Variants in SYNPR observed in about 807,000 individuals in gnomAD.
SYNPR encodes the protein synaptoporin.
SYNPR carries 23 observed loss-of-function variants against 32.9 expected under a neutral mutation model. The observed-to-expected ratio is 0.70, with a 90% CI of 0.50 to 0.99. The LOEUF is 0.99. Ranked by LOEUF, SYNPR falls within the 50% of genes least tolerant of loss-of-function variation. The pLI is 0.00. For synonymous variants in SYNPR, 146 were observed against 135.9 expected, an observed-to-expected ratio of 1.07 and a Z score of -0.52; for missense variants, 318 against 349.3, an observed-to-expected ratio of 0.91 and a Z score of 0.71.
At chr3:63,426,931 A>G (rs1439957075) in intron 2 of SYNPR, 1 of 152,198 alleles carries the variant, frequency 6.6e-6, no homozygotes, top group African/African-American at 2.4e-5. Context: ...AAATTAATTT[A>G]AAATAATTTT....
upstream of SYNPR, among the ~76,000 whole-genome samples, chr3:63,276,926 A>T (rs897529715): frequency 1.3e-5 from 2 of 150,576 alleles, no homozygotes; most frequent in African/African-American, 4.9e-5. Flanking sequence ...ACACACATAC[A>T]CACCCATGAA....
At chr3:63,425,333 G>A (rs574597910) in intron 2 of SYNPR, among the ~76,000 whole-genome samples, 74 of 152,210 alleles carry the variant, frequency 4.9e-4, no homozygotes, top group Middle Eastern at 3.4e-3. Context: ...TAGTTTTTGT[G>A]TTTTTCAGAC....
intron 2 of SYNPR, among the ~76,000 whole-genome samples, chr3:63,380,368 G>A (rs1373432230): frequency 3.6e-4 from 55 of 152,116 alleles, no homozygotes; most frequent in Middle Eastern, 3.4e-3. Flanking sequence ...TGACTTTTTA[G>A]TGATCGCCAC....
At chr3:63,583,996 A>C (rs892659068) in intron 4 of SYNPR, among the ~76,000 whole-genome samples, 2 of 152,110 alleles carry the variant, frequency 1.3e-5, no homozygotes, top group African/African-American at 2.4e-5. Flanking sequence ...GGAGGAGTAG[A>C]TGGGGGTGAT....
intron 2 of SYNPR, among the ~76,000 whole-genome samples, chr3:63,452,952 G>C (rs189190816): frequency 2.0e-5 from 3 of 152,122 alleles, no homozygotes; most frequent in African/African-American, 4.8e-5. Flanking sequence ...TATGTACTGA[G>C]AGTGTCGAAT....
At chr3:63,589,450 G>C (rs1703266774) in intron 4 of SYNPR, among the ~76,000 whole-genome samples, 1 of 152,018 alleles carries the variant, frequency 6.6e-6, no homozygotes, top group African/African-American at 2.4e-5. Context: ...ATTCTCAATA[G>C]AGATTTGCTA....
intron 2 of SYNPR, among the ~76,000 whole-genome samples, chr3:63,356,820 C>G (rs918117233): frequency 3.3e-5 from 5 of 152,138 alleles, no homozygotes; most frequent in Admixed American, 6.5e-5. Context: ...GAATTTTTCT[C>G]AACGATGAAG....
chr3:63,577,275 C>G (rs1032898285), intron 4 of SYNPR, among the ~76,000 whole-genome samples: 1 of 152,100 alleles, frequency 6.6e-6, no homozygotes, highest in Non-Finnish European at 1.5e-5. Context: ...ATTCAACAAA[C>G]AATTGAATTG....
chr3:63,378,860 T>G (rs1428204751), intron 2 of SYNPR, among the ~76,000 whole-genome samples: 1 of 151,978 alleles, frequency 6.6e-6, no homozygotes, highest in African/African-American at 2.4e-5. Flanking sequence ...ATTTTAAGAG[T>G]TGCAGTGTGA....
At chr3:63,369,405 G>A (rs186367211) in intron 2 of SYNPR, among the ~76,000 whole-genome samples, 6 of 152,302 alleles carry the variant, frequency 3.9e-5, no homozygotes, top group Admixed American at 3.3e-4. Context: ...GGAGCACCCA[G>A]TATAGGGAAA....
chr3:63,225,864 G>A (rs1054462490), upstream of SYNPR, among the ~76,000 whole-genome samples: 3 of 151,978 alleles, frequency 2.0e-5, no homozygotes, highest in Non-Finnish European at 4.4e-5. Context: ...AGAGTGAAGA[G>A]ACAACTTATG....
chr3:63,321,603 C>T (rs1009032017), intron 2 of SYNPR, among the ~76,000 whole-genome samples: 2 of 152,056 alleles, frequency 1.3e-5, no homozygotes, highest in Non-Finnish European at 2.9e-5. Flanking sequence ...ACTTTATTCT[C>T]TCTATAGTCT....
intron 2 of SYNPR, among the ~76,000 whole-genome samples, chr3:63,326,395 T>C (rs2087168042): frequency 6.6e-6 from 1 of 152,070 alleles, no homozygotes; most frequent in South Asian, 2.1e-4. Context: ...TGTGTGTGAA[T>C]CAAAATACCT....
intron 4 of SYNPR, among the ~76,000 whole-genome samples, chr3:63,580,731 C>T (rs1391397247): frequency 6.6e-6 from 1 of 152,134 alleles, no homozygotes; most frequent in Non-Finnish European, 1.5e-5. Flanking sequence ...TCGTGATCTG[C>T]TTTGGGAATT....
At chr3:63,490,324 T>C (rs1701235754) in intron 3 of SYNPR, among the ~76,000 whole-genome samples, 1 of 152,068 alleles carries the variant, frequency 6.6e-6, no homozygotes, top group African/African-American at 2.4e-5. Flanking sequence ...CTGGATCCTG[T>C]AGGGTGCTGT....
At chr3:63,551,445 G>A (rs1300124846) in intron 3 of SYNPR, among the ~76,000 whole-genome samples, 7 of 152,140 alleles carry the variant, frequency 4.6e-5, no homozygotes, top group African/African-American at 1.4e-4. Flanking sequence ...GAGTGGAATT[G>A]CTGGAATGGA....
chr3:63,294,254 C>G (rs1398141571), intron 2 of SYNPR, among the ~76,000 whole-genome samples: 1 of 152,014 alleles, frequency 6.6e-6, no homozygotes, highest in African/African-American at 2.4e-5. Flanking sequence ...GAATTGCTGG[C>G]TCAGAAGATT....
At chr3:63,254,274 A>G (rs2106892334) in intron 2 of SYNPR, among the ~76,000 whole-genome samples, 1 of 152,268 alleles carries the variant, frequency 6.6e-6, no homozygotes, top group African/African-American at 2.4e-5. Context: ...CATATGTAAC[A>G]AACCTGTACG....
intron 1 of SYNPR, among the ~76,000 whole-genome samples, chr3:63,238,916 C>A (rs2086217772): frequency 6.6e-6 from 1 of 151,980 alleles, no homozygotes; most frequent in Admixed American, 6.6e-5. Context: ...CTAAAATTGT[C>A]ATTGCTGTAT....
Sources: gnomAD v4.1 joint callset for allele counts (sites outside exome capture counted in the v4.1 genomes callset) on GRCh38, gnomAD v4.1.1 for gene constraint, MANE v1.5 for transcripts, NCBI Gene and HGNC (gene_info 2026-07-23, HGNC 2026-07-21) for gene names.